Variants in FYB1 observed in about 807,000 individuals in gnomAD.
The protein encoded by FYB1 is FYN binding protein 1, also known as FYN-binding protein 1.
In FYB1, 41 loss-of-function variants were observed where a neutral mutation model predicts 94.1. The ratio of observed to expected loss-of-function variants is 0.44; its 90% CI spans 0.34 to 0.57. The LOEUF (loss-of-function observed/expected upper bound fraction) is 0.57. Ranked by LOEUF, FYB1 falls within the 20% of genes least tolerant of loss-of-function variation. The probability of loss-of-function intolerance (pLI) is 0.02; values close to 1 mark genes in which losing one functional copy is unlikely to be tolerated. For missense variants in FYB1, 1,050 were observed against 976.8 expected, an observed-to-expected ratio of 1.07 and a Z score of -1.00; for synonymous variants, 367 against 353.2, an observed-to-expected ratio of 1.04 and a Z score of -0.44.
chr5:39,259,633 T>C (rs1176755972), intron 1 of FYB1, among the ~76,000 whole-genome samples: 2 of 152,166 alleles, frequency 1.3e-5, no homozygotes, highest in Non-Finnish European at 2.9e-5. Context: ...AAATATACAG[T>C]TATATCAATT....
intron 16 of FYB1, among the ~76,000 whole-genome samples, chr5:39,111,216 C>A (rs1423446677): frequency 6.6e-6 from 1 of 151,832 alleles, no homozygotes; most frequent in East Asian, 1.9e-4. Flanking sequence ...TATTACTAAT[C>A]TTTGGAATTG....
chr5:39,192,898 C>T (rs1747488541), intron 2 of FYB1, among the ~76,000 whole-genome samples: 2 of 152,234 alleles, frequency 1.3e-5, no homozygotes, highest in Admixed American at 1.3e-4. Flanking sequence ...CTACCTTTCT[C>T]ATAGGCCAGC....
chr5:39,235,278 C>CTTTT (rs112698280), intron 1 of FYB1, among the ~76,000 whole-genome samples: 1 of 146,090 alleles, frequency 6.8e-6, no homozygotes, highest in African/African-American at 2.5e-5. Flanking sequence ...CAAGGATCAG[C>CTTTT]TTTTTTTTTT....
chr5:39,185,517 A>T (rs1431797679), intron 2 of FYB1, among the ~76,000 whole-genome samples: 66 of 114,668 alleles, frequency 5.8e-4, no homozygotes, highest in Non-Finnish European at 8.1e-4. Context: ...ATAACTGACT[A>T]AAAAAAAAAT....
intron 2 of FYB1, among the ~76,000 whole-genome samples, chr5:39,157,620 A>G (rs921013760): frequency 2.0e-5 from 3 of 152,164 alleles, no homozygotes; most frequent in Non-Finnish European, 4.4e-5. Context: ...AAGAGCAAAA[A>G]GTTTAGACCT....
intron 1 of FYB1, among the ~76,000 whole-genome samples, chr5:39,205,067 G>A (rs1013903285): frequency 2.0e-5 from 3 of 152,136 alleles, no homozygotes; most frequent in Non-Finnish European, 4.4e-5. Context: ...AGAGATCAGA[G>A]TTGCAGAGGA....
At chr5:39,141,965 A>G (rs1354158066) in intron 3 of FYB1, among the ~76,000 whole-genome samples, 1 of 151,904 alleles carries the variant, frequency 6.6e-6, no homozygotes, top group Non-Finnish European at 1.5e-5. Context: ...ATCACCCTGA[A>G]CTCCAAGGTG....
At chr5:39,107,518 A>G (rs1738641870) in intron 18 of FYB1, 53 bp from the exon 19 acceptor site, 1 of 1,293,968 alleles carries the variant, frequency 7.7e-7, no homozygotes, top group African/African-American at 1.5e-5. Flanking sequence ...ATATTCTCTA[A>G]GTATTCCAAG....
chr5:39,259,319 T>A (rs1273420674), intron 1 of FYB1, among the ~76,000 whole-genome samples: 1 of 152,214 alleles, frequency 6.6e-6, no homozygotes, highest in Non-Finnish European at 1.5e-5. Context: ...CTGGACTAAG[T>A]ACAGCACAGC....
chr5:39,175,853 C>T (rs1027396533), intron 2 of FYB1, among the ~76,000 whole-genome samples: 7 of 152,110 alleles, frequency 4.6e-5, no homozygotes, highest in African/African-American at 7.2e-5. Flanking sequence ...ATGCTACTGG[C>T]TTCTTAGGGG....
intron 10 of FYB1, among the ~76,000 whole-genome samples, chr5:39,130,106 C>A (rs1010383921): frequency 1.3e-5 from 2 of 151,848 alleles, no homozygotes; most frequent in African/African-American, 4.8e-5. Flanking sequence ...TCATTTGCAG[C>A]AATATGGATG....
chr5:39,155,691 G>T (rs977750654), intron 2 of FYB1, among the ~76,000 whole-genome samples: 4 of 151,706 alleles, frequency 2.6e-5, no homozygotes, highest in Admixed American at 1.3e-4. Flanking sequence ...TGTTGTTGTT[G>T]TTTTTTGTTT....
chr5:39,145,674 A>G (rs900210918), intron 3 of FYB1, among the ~76,000 whole-genome samples: 3 of 152,174 alleles, frequency 2.0e-5, no homozygotes, highest in Non-Finnish European at 4.4e-5. Flanking sequence ...ACAGAGTAAA[A>G]TCCATAGCTC....
At chr5:39,198,789 A>G (rs1235833548) in intron 2 of FYB1, among the ~76,000 whole-genome samples, 1 of 152,168 alleles carries the variant, frequency 6.6e-6, no homozygotes, top group Non-Finnish European at 1.5e-5. Flanking sequence ...AATATTTCCA[A>G]CTTAAGAATG....
chr5:39,265,655 C>T (rs555527971), intron 1 of FYB1, among the ~76,000 whole-genome samples: 1 of 152,176 alleles, frequency 6.6e-6, no homozygotes, highest in Non-Finnish European at 1.5e-5. Context: ...AAAACTCTGT[C>T]TCAAAAATAA....
chr5:39,176,208 T>C (rs1015797540), intron 2 of FYB1, among the ~76,000 whole-genome samples: 4 of 133,930 alleles, frequency 3.0e-5, no homozygotes, highest in African/African-American at 1.1e-4. Context: ...TGGAGTGCAA[T>C]GGCGCGATCT....
chr5:39,169,195 A>G, intron 2 of FYB1: 1 of 844,612 alleles, frequency 1.2e-6, no homozygotes, highest in South Asian at 1.3e-5. Context: ...TCATTGCAAC[A>G]TCTGGGCTCA....
chr5:39,223,510 A>C (rs994689572), upstream of FYB1, among the ~76,000 whole-genome samples: 3 of 152,256 alleles, frequency 2.0e-5, no homozygotes, highest in Admixed American at 1.3e-4. Flanking sequence ...TGAGCAATTA[A>C]ATTTAAAAAA....
chr5:39,182,937 T>G (rs769489988), intron 2 of FYB1, among the ~76,000 whole-genome samples: 1 of 152,236 alleles, frequency 6.6e-6, no homozygotes, highest in Non-Finnish European at 1.5e-5. Context: ...GGAAATAAGC[T>G]ACAGACAGGT....
Sources: allele counts gnomAD v4.1 joint callset (sites outside exome capture counted in the v4.1 genomes callset), GRCh38; gene constraint gnomAD v4.1.1; transcripts MANE v1.5; gene names NCBI Gene and HGNC (gene_info 2026-07-23, HGNC 2026-07-21).